The following EYS variants were observed in gnomAD, a reference collection of about 807,000 sequenced individuals.
The protein encoded by EYS is protein eyes shut homolog.
A neutral mutation model predicts 282.1 loss-of-function variants in EYS; 250 were observed. The ratio of observed to expected loss-of-function variants is 0.89; its 90% CI spans 0.80 to 0.98. The LOEUF is 0.98. Ranked by LOEUF, EYS falls within the 50% of genes least tolerant of loss-of-function variation. The probability of loss-of-function intolerance (pLI) is 0.00; values close to 1 mark genes in which losing one functional copy is unlikely to be tolerated. For synonymous variants in EYS, 1,355 were observed against 1,282.9 expected, an observed-to-expected ratio of 1.06 and a Z score of -1.20; for missense variants, 4,016 against 3,709.0, an observed-to-expected ratio of 1.08 and a Z score of -2.15.
intron 5 of EYS, among the ~76,000 whole-genome samples, chr6:65,446,887 TTA>T (rs1297764807): frequency 3.3e-5 from 5 of 151,678 alleles, no homozygotes; most frequent in African/African-American, 1.2e-4. Context: ...TCTTAAAACT[TTA>T]TGAGAAAAAC....
chr6:65,508,139 A>G (rs1766726407), intron 2 of EYS, among the ~76,000 whole-genome samples: 1 of 152,118 alleles, frequency 6.6e-6, no homozygotes, highest in Admixed American at 6.5e-5. Context: ...ACTTGATTTC[A>G]AATTCCTTTA....
chr6:63,767,321 C>A (rs1769813990), intron 40 of EYS, among the ~76,000 whole-genome samples: 1 of 152,094 alleles, frequency 6.6e-6, no homozygotes, highest in Non-Finnish European at 1.5e-5. Flanking sequence ...CTATTCTATA[C>A]TGAGAAAATC....
At chr6:64,295,401 G>A (rs372810972) in intron 30 of EYS, among the ~76,000 whole-genome samples, 4 of 24 alleles carry the variant, frequency 0.17, no homozygotes, top group Non-Finnish European at 0.33. Flanking sequence ...AAGAAGAAGA[G>A]GAAGGAGAGG....
chr6:64,436,527 A>T (rs140266388), intron 27 of EYS, among the ~76,000 whole-genome samples: 2 of 151,940 alleles, frequency 1.3e-5, no homozygotes, highest in East Asian at 3.9e-4. Flanking sequence ...CTTTTCCAGT[A>T]TTCTGAGGAA....
At chr6:63,823,484 C>A (rs1192553175) in intron 36 of EYS, among the ~76,000 whole-genome samples, 2 of 152,082 alleles carry the variant, frequency 1.3e-5, no homozygotes, top group Non-Finnish European at 2.9e-5. Flanking sequence ...GAATAACATT[C>A]ATTTTCTCCA....
At chr6:64,285,120 G>C (rs6917553) in intron 30 of EYS, among the ~76,000 whole-genome samples, 108,928 of 152,050 alleles carry the variant, frequency 0.72, 39,204 homozygotes, top group African/African-American at 0.79. Flanking sequence ...TGCAAAGTTT[G>C]TGAACTTTTA....
At chr6:65,112,406 A>C (rs907123516) in intron 12 of EYS, among the ~76,000 whole-genome samples, 2 of 152,166 alleles carry the variant, frequency 1.3e-5, no homozygotes, top group African/African-American at 4.8e-5. Flanking sequence ...ACTTGCGACC[A>C]TGGCCTAAGC....
chr6:65,628,856 A>G lies in EYS; in HGVS notation c.-333+10922T>C, dbSNP rs28361316. Among the ~76,000 whole-genome samples, 272 of 152,346 alleles carry G rather than the reference A, an allele frequency of 1.8e-3. 2 individuals carry two copies. Among genetic ancestry groups the G allele is most frequent in the African/African-American group, 6.3e-3 (263 of 41,586 alleles). On this transcript the variant is annotated intron_variant, in intron 2 of 42. Coordinates refer to ENST00000503581, the MANE Select transcript of EYS (RefSeq NM_001142800.2). ...AGTCAGTGAGACCAAGAACCCACCA[A>G]TTCCAGACACAGTACTATAGGAAAG...
rs1352380841 is a variant in EYS, at chr6:65,495,331, T to TGC, written c.78_79dup (p.Gln27ArgfsTer16). The TGC allele has an allele frequency of 6.2e-6, 10 of 1,613,828 alleles. No homozygotes were observed. The Admixed American group carries it at 1.7e-4, about 27-fold the overall frequency. On this transcript the variant is annotated frameshift_variant, in exon 4 of 43. Transcript: ENST00000503581. LOFTEE classifies it high-confidence loss of function. The stretch of plus-strand genomic sequence containing the variant: ...TTGTGGATGCCATTCTTCCACCAAT[T>TGC]GCCGTCTACATGTTTTTCCATTTAT...
intron 33 of EYS, among the ~76,000 whole-genome samples, chr6:64,003,342 G>C (rs1328337675): frequency 1.3e-5 from 2 of 152,044 alleles, no homozygotes; most frequent in African/African-American, 4.8e-5. Flanking sequence ...TTGTTACTGG[G>C]TACAAAAATA....
chr6:64,670,006 A>C (rs956794833), intron 22 of EYS, among the ~76,000 whole-genome samples: 1 of 151,746 alleles, frequency 6.6e-6, no homozygotes, highest in African/African-American at 2.4e-5. Context: ...TCTTTTAAAA[A>C]CTCTTATAAG....
At chr6:65,060,837 T>C (rs2150159372) in intron 12 of EYS, among the ~76,000 whole-genome samples, 1 of 150,646 alleles carries the variant, frequency 6.6e-6, no homozygotes, top group African/African-American at 2.4e-5. Flanking sequence ...TTCTTTAAAA[T>C]GTATGCTTAT....
At chr6:64,877,970 T>G (rs1161526199) in intron 19 of EYS, among the ~76,000 whole-genome samples, 1 of 152,172 alleles carries the variant, frequency 6.6e-6, no homozygotes, top group Non-Finnish European at 1.5e-5. Context: ...CAGTGGCTCA[T>G]GCCTGTAATC....
chr6:64,415,306 CAGAA>C (rs780023006), intron 28 of EYS, among the ~76,000 whole-genome samples: 1 of 152,152 alleles, frequency 6.6e-6, no homozygotes, highest in Non-Finnish European at 1.5e-5. Flanking sequence ...TCTTTGGACA[CAGAA>C]AGCACAAGTT....
At chr6:63,823,880 T>C (rs1323175286) in intron 36 of EYS, among the ~76,000 whole-genome samples, 1 of 152,218 alleles carries the variant, frequency 6.6e-6, no homozygotes, top group Non-Finnish European at 1.5e-5. Context: ...TTTGTTAATA[T>C]ATGCCCCAAG....
intron 31 of EYS, among the ~76,000 whole-genome samples, chr6:64,115,057 C>A (rs543634775): frequency 6.6e-6 from 1 of 152,142 alleles, no homozygotes; most frequent in South Asian, 2.1e-4. Context: ...TTTATGCATG[C>A]CCAAGCTCTA....
chr6:64,998,129 G>A (rs913076988), intron 13 of EYS, among the ~76,000 whole-genome samples: 19 of 152,310 alleles, frequency 1.2e-4, no homozygotes, highest in African/African-American at 3.8e-4. Context: ...ATGTATGACA[G>A]AATATATTAA....
intron 23 of EYS, among the ~76,000 whole-genome samples, chr6:64,619,934 G>C (rs540707469): frequency 2.6e-5 from 4 of 152,274 alleles, no homozygotes; most frequent in African/African-American, 9.6e-5. Context: ...CTACGAAAAG[G>C]GAGATCAGGC....
chr6:63,852,394 T>A (rs996529065), intron 36 of EYS, among the ~76,000 whole-genome samples: 1 of 152,022 alleles, frequency 6.6e-6, no homozygotes, highest in African/African-American at 2.4e-5. Context: ...AATTGATAAA[T>A]TCCTGGACAC....
Sources: gnomAD v4.1 joint callset for allele counts (sites outside exome capture counted in the v4.1 genomes callset) on GRCh38, gnomAD v4.1.1 for gene constraint, MANE v1.5 for transcripts, NCBI Gene and HGNC (gene_info 2026-07-23, HGNC 2026-07-21) for gene names.